The following CDKN2B-AS1 variants were observed in gnomAD, a reference collection of about 807,000 sequenced individuals.
CDKN2B-AS1 encodes CDKN2B antisense RNA 1 (non-protein coding).
rs1820854087 is a variant in CDKN2B-AS1, at chr9:21,999,991, G to T, written n.29+4830G>T. 6.6e-6 allele frequency among the ~76,000 whole-genome samples: 1 copy of T among 152,144 alleles called. No homozygotes were observed. The highest frequency in any genetic ancestry group is 2.4e-5 in the African/African-American group (1 of 41,438). ...TTGTAATAGTGGTTACCTTTGGGTA[G>T]TAAGAATGAGGGTGGGAAAAATTTC... On this transcript the variant is annotated intron_variant and non_coding_transcript_variant, in intron 1 of 4. Transcript: ENST00000650946. The surrounding 1 kb of genome is among the most constrained non-coding windows in gnomAD (Gnocchi z 4.7).
At chr9:22,021,191 G>A (rs1822004081) in intron 1 of CDKN2B-AS1, among the ~76,000 whole-genome samples, 2 of 152,112 alleles carry the variant, frequency 1.3e-5, no homozygotes, top group African/African-American at 4.8e-5. Context: ...TTGGAGGTGT[G>A]TAGTCTCATT....
intron 1 of CDKN2B-AS1, chr9:22,012,546 C>T (rs1254103069): frequency 3.4e-6 from 2 of 582,538 alleles, no homozygotes; most frequent in South Asian, 1.5e-5. Context: ...TAAGGCTCTT[C>T]CTTCCTCGGA....
At chr9:22,063,024 CTT>C (rs1411789581) in intron 4 of CDKN2B-AS1, among the ~76,000 whole-genome samples, 3 of 140,676 alleles carry the variant, frequency 2.1e-5, no homozygotes, top group Non-Finnish European at 4.6e-5. Context: ...GAGAGAGAGA[CTT>C]ATAAATTTTG....
chr9:22,067,563 C>T (rs1168797067), intron 4 of CDKN2B-AS1, among the ~76,000 whole-genome samples: 2 of 151,834 alleles, frequency 1.3e-5, no homozygotes, highest in Non-Finnish European at 2.9e-5. Flanking sequence ...CACGCACGCA[C>T]ACACACACAC....
Position 22,001,532 on chromosome 9 carries a change from A to C in CDKN2B-AS1, n.29+6371A>C, listed in dbSNP as rs1344146969. On this transcript the variant is annotated intron_variant and non_coding_transcript_variant, in intron 1 of 4. Coordinates refer to ENST00000650946, the Ensembl canonical transcript of CDKN2B-AS1. This position sits in a 1 kb window ranked among gnomAD's most constrained non-coding sequence, Gnocchi z 4.2. ...TTGGTGCTTTTTGACCCATACATTAATTTTCATTACTGTGCTTAATATACA... is the reference window on the plus strand; with the variant it reads ...TTGGTGCTTTTTGACCCATACATTACTTTTCATTACTGTGCTTAATATACA... 6.6e-6 allele frequency among the ~76,000 whole-genome samples: 1 copy of C among 152,054 alleles called. No individual in the cohort carries two copies. The highest frequency in any genetic ancestry group is 1.5e-5 in the Non-Finnish European group (1 of 67,972).
At chr9:22,096,731 G>A (rs549589495) in intron 4 of CDKN2B-AS1, among the ~76,000 whole-genome samples, 19 of 152,254 alleles carry the variant, frequency 1.2e-4, no homozygotes, top group Middle Eastern at 3.4e-3. Context: ...ACGGAACTAT[G>A]TGGAGTTATT....
chr9:22,049,846 A>G (rs2151279), intron 3 of CDKN2B-AS1, among the ~76,000 whole-genome samples: 5,910 of 152,228 alleles, frequency 0.039, 304 homozygotes, highest in African/African-American at 0.12. Flanking sequence ...TGGCCAGCAT[A>G]TAGTAAACAT....
intron 4 of CDKN2B-AS1, among the ~76,000 whole-genome samples, chr9:22,123,925 A>T (rs1297352371): frequency 6.6e-6 from 1 of 152,226 alleles, no homozygotes; most frequent in Non-Finnish European, 1.5e-5. Context: ...GTGTAAGCAG[A>T]CGCTGAATAA....
chr9:22,070,841 T>C (rs1203305444), intron 4 of CDKN2B-AS1, among the ~76,000 whole-genome samples: 1 of 152,156 alleles, frequency 6.6e-6, no homozygotes, highest in Non-Finnish European at 1.5e-5. Flanking sequence ...TTAATGCAAA[T>C]GTAAGTGACC....
chr9:22,036,113 G>T (rs1008878), intron 1 of CDKN2B-AS1, among the ~76,000 whole-genome samples: 107,849 of 152,014 alleles, frequency 0.71, 39,995 homozygotes, highest in African/African-American at 0.91. Context: ...AGACAAATGA[G>T]AACAGATCTA....
chr9:22,032,398 G>A (rs1309485202), intron 1 of CDKN2B-AS1, among the ~76,000 whole-genome samples: 1 of 151,682 alleles, frequency 6.6e-6, no homozygotes, highest in Non-Finnish European at 1.5e-5. Context: ...AATTAATAGA[G>A]CAGTTGGAAA....
intron 4 of CDKN2B-AS1, among the ~76,000 whole-genome samples, chr9:22,111,750 A>G (rs950993937): frequency 1.3e-5 from 2 of 152,200 alleles, no homozygotes; most frequent in African/African-American, 4.8e-5. Context: ...TCGAAAGTAG[A>G]TAATAAGTGA....
chr9:22,021,366 C>T (rs1354021287), intron 1 of CDKN2B-AS1, among the ~76,000 whole-genome samples: 1 of 152,034 alleles, frequency 6.6e-6, no homozygotes, highest in East Asian at 1.9e-4. Context: ...GTGATGCCTC[C>T]AGCTTTGTTC....
At chr9:22,074,101 G>C (rs1824403936) in intron 4 of CDKN2B-AS1, among the ~76,000 whole-genome samples, 1 of 152,066 alleles carries the variant, frequency 6.6e-6, no homozygotes, top group Admixed American at 6.6e-5. Context: ...AGGCTCAAGT[G>C]ATCTGCTCAT....
chr9:22,040,230 T>C (rs1822845588), intron 1 of CDKN2B-AS1, among the ~76,000 whole-genome samples: 1 of 152,044 alleles, frequency 6.6e-6, no homozygotes, highest in African/African-American at 2.4e-5. Flanking sequence ...GAGCCTGTGA[T>C]CATGTATTAT....
At chr9:22,063,007 A>G (rs1352201144) in intron 4 of CDKN2B-AS1, among the ~76,000 whole-genome samples, 7 of 149,984 alleles carry the variant, frequency 4.7e-5, no homozygotes, top group African/African-American at 1.7e-4. Flanking sequence ...ATAGAGAGAG[A>G]GAGAGAGAGA....
In CDKN2B-AS1 at chr9:22,087,830, T is replaced by C. The variant is rs1225717164; in HGVS notation, n.438+31443T>C. On this transcript the variant is annotated intron_variant and non_coding_transcript_variant, in intron 4 of 4. Transcript: ENST00000650946. ...TCACTAACTATAAATTGAAAACCGA[T>C]ATCATTTGCCTTAAATAGAAGATTG... 3.9e-5 allele frequency among the ~76,000 whole-genome samples: 6 copies of C among 152,222 alleles called. No individual in the cohort carries two copies. The East Asian group carries it at 9.6e-4, about 24-fold the overall frequency.
At chr9:22,040,886 AGGTTCC>A in intron 1 of CDKN2B-AS1, among the ~76,000 whole-genome samples, 1 of 152,170 alleles carries the variant, frequency 6.6e-6, no homozygotes, top group South Asian at 2.1e-4. Flanking sequence ...AATACTCAAG[AGGTTCC>A]CTGACTTCCC....
intron 4 of CDKN2B-AS1, among the ~76,000 whole-genome samples, chr9:22,093,942 G>T (rs2131345932): frequency 6.9e-6 from 1 of 144,678 alleles, no homozygotes; most frequent in Middle Eastern, 3.5e-3. Flanking sequence ...GCATGTTTTT[G>T]CAGTGGCTGG....
Sources: allele counts gnomAD v4.1 joint callset (sites outside exome capture counted in the v4.1 genomes callset), GRCh38; gene constraint gnomAD v4.1.1; non-coding constraint Gnocchi (gnomAD v3.1); transcripts MANE v1.5; gene names NCBI Gene and HGNC (gene_info 2026-07-23, HGNC 2026-07-21).